Variants in CELSR1 observed in about 807,000 individuals in gnomAD.
CELSR1 encodes cadherin EGF LAG seven-pass G-type receptor 1, also known as adhesion G protein-coupled receptor C1.
A neutral mutation model predicts 249.1 loss-of-function variants in CELSR1; 110 were observed. That is an observed-to-expected ratio of 0.44 (90% CI 0.38 to 0.52). The LOEUF (loss-of-function observed/expected upper bound fraction) is 0.52, where lower values mean the gene tolerates loss of function less well. Among genes scored for constraint, CELSR1 ranks in the 20% least tolerant of loss-of-function variants. The pLI is 0.00. For missense variants in CELSR1, 4,109 were observed against 4,296.4 expected (o/e 0.96, Z 1.22); for synonymous variants, 2,113 against 1,900.0 (o/e 1.11, Z -2.92).
chr22:46,433,441 A>C lies in CELSR1; in HGVS notation c.4563T>G (p.Gly1521=). The change falls in exon 5 of 35, where the codon GGT becomes GGG. Residue 1521 remains glycine, a synonymous_variant. Transcript: ENST00000674500. The surrounding 1 kb of genome is among the most constrained non-coding windows in gnomAD (Gnocchi z 5.7). ...TTTVAPKVPS[G]VSDGRWHSVQ... is the part of the protein sequence containing the mutation. ...CAGAGTGCCACCGCCCGTCACTCAC[A>C]CCACTGGGAACCTTCGGTGCCACGG... 6.2e-7 allele frequency: 1 copy of C among 1,613,976 alleles called. No homozygotes were observed. Among genetic ancestry groups the C allele is most frequent in the Non-Finnish European group, 8.5e-7 (1 of 1,179,976 alleles).
In CELSR1 at chr22:46,409,283, G is replaced by A. The variant is rs2079303636; in HGVS notation, c.5060-121C>T. The A allele has an allele frequency of 1.6e-5, 16 of 1,030,906 alleles. No individual in the cohort carries two copies. In the South Asian group the frequency reaches 2.7e-4, roughly 17 times the overall value. 63.9% of individuals were successfully genotyped at this position (1,030,906 alleles called of 1,614,324 possible). ...TGGGCCTTTTTCACTTTAACACGAA[G>A]GTGGGTCTGAGCCTCCCCTCTGTGA... On this transcript the variant is annotated intron_variant, in intron 8 of 34. Transcript: ENST00000674500. The surrounding 1 kb of genome is among the most constrained non-coding windows in gnomAD (Gnocchi z 9.8).
rs534973156 is a variant in CELSR1, at chr22:46,509,163, C to A, written c.3544+24464G>T. The stretch of plus-strand genomic sequence containing the variant: ...GGGGCTGCGAGGACACTTCTCTGCT[C>A]CCATGGCCAAGTCCTAGAGAGTCCC... On this transcript the variant is annotated intron_variant, in intron 1 of 34. Transcript: ENST00000674500. Among the ~76,000 whole-genome samples the A allele has an allele frequency of 4.6e-5, 7 of 152,248 alleles. No individual in the cohort carries two copies. The East Asian group carries it at 1.4e-3, about 29-fold the overall frequency.
At chr22:46,388,991 T>A (rs2147245430) in intron 18 of CELSR1, among the ~76,000 whole-genome samples, 1 of 152,350 alleles carries the variant, frequency 6.6e-6, no homozygotes, top group African/African-American at 2.4e-5. Context: ...GGAGAGGGGC[T>A]GATGCAGGTG....
chr22:46,435,558 C>T (rs2079649831), intron 4 of CELSR1, among the ~76,000 whole-genome samples: 1 of 151,976 alleles, frequency 6.6e-6, no homozygotes, highest in South Asian at 2.1e-4. Flanking sequence ...CTGGGGATTA[C>T]AGGCATGAGC....
In CELSR1 at chr22:46,472,372, C is replaced by A. The variant is rs1429531105; in HGVS notation, c.3545-8027G>T. On this transcript the variant is annotated intron_variant, in intron 1 of 34. Coordinates refer to ENST00000674500, the MANE Select transcript of CELSR1 (RefSeq NM_001378328.1). This position sits in a 1 kb window ranked among gnomAD's most constrained non-coding sequence, Gnocchi z 7.0. ...GCTGTGGGGCAGTGGGGGCAGAGGT[C>A]ACATCATGGCCCTCAAGGAGCAGGC... Among the ~76,000 whole-genome samples the A allele has an allele frequency of 6.6e-6, 1 of 152,132 alleles. No individual in the cohort carries two copies. Among genetic ancestry groups the A allele is most frequent in the Non-Finnish European group, 1.5e-5 (1 of 68,032 alleles).
At chr22:46,476,743 G>A (rs577866336) in intron 1 of CELSR1, among the ~76,000 whole-genome samples, 2 of 152,216 alleles carry the variant, frequency 1.3e-5, no homozygotes, top group South Asian at 4.1e-4. Flanking sequence ...CACAGAGACA[G>A]AAGCCATGCT....
intron 28 of CELSR1, 78 bp downstream of exon 28, chr22:46,367,651 C>T (rs1028723610): frequency 6.5e-7 from 1 of 1,528,996 alleles, no homozygotes; most frequent in African/African-American, 1.4e-5. Flanking sequence ...ACCGCAGAGG[C>T]CTCCACTGCT....
chr22:46,437,596 C>T lies in CELSR1; in HGVS notation c.4407-1307G>A, dbSNP rs969384046. Among the ~76,000 whole-genome samples the T allele has an allele frequency of 3.9e-5, 6 of 152,166 alleles. No homozygotes were observed. Among genetic ancestry groups the T allele is most frequent in the African/African-American group, 7.2e-5 (3 of 41,520 alleles). ...TGAAACCCCGTCTCTACTAAAAATA[C>T]GAAAATTAGCCGGGCATGGTGGTGG... On this transcript the variant is annotated intron_variant, in intron 3 of 34. Transcript: ENST00000674500. This position sits in a 1 kb window ranked among gnomAD's most constrained non-coding sequence, Gnocchi z 4.9.
chr22:46,397,916 G>A (rs2079168835), intron 11 of CELSR1, 68 bp from the exon 12 acceptor site: 1 of 1,303,580 alleles, frequency 7.7e-7, no homozygotes, highest in African/African-American at 1.5e-5. Context: ...AGGGAACCCT[G>A]AGACCTCTCT....
In CELSR1 at chr22:46,363,239, T is replaced by C; in HGVS notation, c.9044A>G (p.Asn3015Ser). ...ACTGATGGTTCAAATTGAAGTTTCA[T>C]TACTGCCTCTGCGCGTGGGAAGAAG... ...QADGSDSEGS[N>S]ETSI Residue 3015 changes from asparagine to serine, a missense_variant, in exon 35 of 35, where the codon AAT becomes AGT. Coordinates refer to ENST00000674500, the MANE Select transcript of CELSR1 (RefSeq NM_001378328.1). This position sits in a 1 kb window ranked among gnomAD's most constrained non-coding sequence, Gnocchi z 4.3. 6.2e-7 allele frequency: 1 copy of C among 1,609,052 alleles called. No individual in the cohort carries two copies. Among genetic ancestry groups the C allele is most frequent in the South Asian group, 1.1e-5 (1 of 91,074 alleles).
At position 46,361,585 on chromosome 22, in the gene CELSR1, A is replaced by T. The variant is rs887748219; in HGVS notation, c.*1638T>A. 6.6e-6 allele frequency: 1 copy of T among 152,224 alleles called. No homozygotes were observed. 9.4% of individuals were successfully genotyped at this position (152,224 alleles called of 1,614,324 possible). A position where few individuals can be genotyped will look rare whatever the true frequency, so the allele number is the denominator to read the frequency against. On this transcript the variant is annotated 3_prime_UTR_variant, in exon 35 of 35. Transcript: ENST00000674500. ...AAAGACCACTCACCTGGTAAGGCAC[A>T]TGTATAATTCATTCAGGTGTGAGGA...
intron 1 of CELSR1, among the ~76,000 whole-genome samples, chr22:46,465,606 G>A (rs1162994099): frequency 1.3e-5 from 2 of 152,232 alleles, no homozygotes; most frequent in Non-Finnish European, 2.9e-5. Flanking sequence ...ATCCCAAGAG[G>A]AAACGGAACA....
At chr22:46,426,676 T>C (rs978372083) in intron 5 of CELSR1, among the ~76,000 whole-genome samples, 3 of 152,046 alleles carry the variant, frequency 2.0e-5, no homozygotes, top group African/African-American at 7.2e-5. Context: ...TCATGGCCAA[T>C]GGGATGGTTT....
At chr22:46,386,260 G>T in intron 19 of CELSR1, 142 bp downstream of exon 19, 1 of 946,170 alleles carries the variant, frequency 1.1e-6, no homozygotes, top group Non-Finnish European at 1.5e-6. Context: ...ATGAGCCACT[G>T]TGCCCGGCCT....
At chr22:46,462,543 C>T (rs2080042373) in intron 2 of CELSR1, among the ~76,000 whole-genome samples, 2 of 151,492 alleles carry the variant, frequency 1.3e-5, no homozygotes. Context: ...AACGATTGCT[C>T]AGGTGTTTAT....
intron 1 of CELSR1, among the ~76,000 whole-genome samples, chr22:46,498,579 C>A (rs969258426): frequency 6.7e-6 from 1 of 149,798 alleles, no homozygotes; most frequent in Non-Finnish European, 1.5e-5. Context: ...TCCCACTCCA[C>A]TGTACCCTGG....
Position 46,402,050 on chromosome 22 carries a change from C to T in CELSR1, c.5227-2148G>A, listed in dbSNP as rs1476895397. On this transcript the variant is annotated intron_variant, in intron 9 of 34. Transcript: ENST00000674500. The surrounding 1 kb of genome is among the most constrained non-coding windows in gnomAD (Gnocchi z 5.0). The stretch of plus-strand genomic sequence containing the variant: ...TAGCAGTGAACCGAGATCACGCCAC[C>T]GCACTCCAGCCTGGGCGATGGAGCG... Among the ~76,000 whole-genome samples, 2 of 151,848 alleles carry T rather than the reference C, an allele frequency of 1.3e-5. No homozygotes were observed. Among genetic ancestry groups the T allele is most frequent in the East Asian group, 3.9e-4 (2 of 5,158 alleles).
chr22:46,442,231 C>T (rs567341025), intron 2 of CELSR1, among the ~76,000 whole-genome samples: 3 of 152,230 alleles, frequency 2.0e-5, no homozygotes, highest in Non-Finnish European at 2.9e-5. Context: ...CCCTCCAGGA[C>T]GGGGCTCTGG....
rs201201659 is a variant in CELSR1 at position 46,399,683 on chromosome 22, T to G, written c.5412+34A>C. The G allele has an allele frequency of 2.4e-4, 390 of 1,603,606 alleles. 1 individual carries two copies. In the African/African-American group the frequency reaches 4.2e-3, roughly 17 times the overall value. ...GTTTTTCCCTGGGCCGGAGGAAGGG[T>G]CTATCCCCAGAGGAGGTGCAGGTGC... is the stretch of plus-strand genomic sequence containing the variant. On this transcript the variant is annotated intron_variant, in intron 10 of 34. Transcript: ENST00000674500. The surrounding 1 kb of genome is among the most constrained non-coding windows in gnomAD (Gnocchi z 5.0).
Sources: gnomAD v4.1 joint callset for allele counts (sites outside exome capture counted in the v4.1 genomes callset) on GRCh38, gnomAD v4.1.1 for gene constraint, Gnocchi (gnomAD v3.1) non-coding constraint, MANE v1.5 for transcripts, NCBI Gene and HGNC (gene_info 2026-07-23, HGNC 2026-07-21) for gene names.